The following AZI2 variants were observed in gnomAD, a reference collection of about 807,000 sequenced individuals.
AZI2 encodes 5-azacytidine-induced protein 2.
In AZI2, 22 loss-of-function variants were observed where a neutral mutation model predicts 45.8. The ratio of observed to expected loss-of-function variants is 0.48; its 90% CI spans 0.34 to 0.69. The LOEUF is 0.69. Ranked by LOEUF, AZI2 falls within the 30% of genes least tolerant of loss-of-function variation. The pLI is 0.01. For synonymous variants in AZI2, 137 were observed against 156.7 expected (o/e 0.87, Z 0.94); for missense variants, 417 against 441.5 (o/e 0.94, Z 0.50).
chr3:28,338,658 T>C (rs113632440), intron 2 of AZI2, 43 bp from the exon 3 acceptor site: 3 of 1,548,300 alleles, frequency 1.9e-6, no homozygotes. Context: ...GAGAGTATTC[T>C]ATAGATAAAA....
intron 1 of AZI2, among the ~76,000 whole-genome samples, chr3:28,345,731 T>C (rs1279855024): frequency 6.6e-6 from 1 of 152,112 alleles, no homozygotes; most frequent in Non-Finnish European, 1.5e-5. Flanking sequence ...TAAATTTCAG[T>C]CTTCATCATG....
Position 28,322,079 on chromosome 3 carries a change from G to A in AZI2, c.*1963C>T, listed in dbSNP as rs1321904117. The A allele has an allele frequency of 6.6e-6, 1 of 151,248 alleles. No homozygotes were observed. Among genetic ancestry groups the A allele is most frequent in the African/African-American group, 2.4e-5 (1 of 41,328 alleles). The allele number at this position is 151,248 out of a possible 1,614,324, so 9.4% of individuals were successfully genotyped here. On this transcript the variant is annotated 3_prime_UTR_variant, in exon 8 of 8. Transcript: ENST00000479665. ...ACCTAGAACAGAGATATCAAGTGTAGATTTAAAAGCTTCTAGCTGGGTAAA... is the reference window on the plus strand; with the variant it reads ...ACCTAGAACAGAGATATCAAGTGTAAATTTAAAAGCTTCTAGCTGGGTAAA...
In AZI2 at chr3:28,331,750, T is replaced by G. The variant is rs998211076; in HGVS notation, c.647+619A>C. ...ATGTAGAGAGGCTATCTTAACATAG[T>G]AGAAACAACAATTATTAGATAGCTT... On this transcript the variant is annotated intron_variant, in intron 6 of 7. Transcript: ENST00000479665. 3 of 1,449,106 alleles carry G rather than the reference T, an allele frequency of 2.1e-6. No individual in the cohort carries two copies. The East Asian group carries it at 7.6e-5, about 37-fold the overall frequency. 89.8% of individuals were successfully genotyped at this position (1,449,106 alleles called of 1,614,324 possible).
chr3:28,328,292 T>G (rs372355848), intron 6 of AZI2, among the ~76,000 whole-genome samples: 1 of 151,228 alleles, frequency 6.6e-6, no homozygotes. Context: ...CTGTCTTAAG[T>G]GTGAAGAGAG....
intron 6 of AZI2, chr3:28,332,011 T>C: frequency 9.7e-7 from 1 of 1,036,104 alleles, no homozygotes; most frequent in Non-Finnish European, 1.4e-6. Context: ...AGACTAACAA[T>C]GGCCAAGTAG....
intron 6 of AZI2, among the ~76,000 whole-genome samples, chr3:28,328,564 C>G (rs1226183986): frequency 6.6e-6 from 1 of 151,036 alleles, no homozygotes; most frequent in Admixed American, 6.6e-5. Context: ...ATTCTAGTAA[C>G]GTTTACAGTG....
rs1395117957 is a variant in AZI2 at position 28,324,345 on chromosome 3, G to C, written c.876C>G (p.Gly292=). ...YTRHPPLLPN[G]KALCHTTSSP... is the part of the protein sequence containing the mutation. ...AAGATGTGGTATGACAAAGAGCTTTGCCATTTGGTAAGAGAGGGGGATGTC... is the reference window on the plus strand; with the variant it reads ...AAGATGTGGTATGACAAAGAGCTTTCCCATTTGGTAAGAGAGGGGGATGTC... The change falls in exon 8 of 8, where the codon GGC becomes GGG. Residue 292 remains glycine, a synonymous_variant. Transcript: ENST00000479665. The C allele has an allele frequency of 3.8e-6, 6 of 1,599,774 alleles. No homozygotes were observed. Among genetic ancestry groups the C allele is most frequent in the Non-Finnish European group, 4.3e-6 (5 of 1,172,420 alleles).
intron 1 of AZI2, 102 bp downstream of exon 1, chr3:28,348,499 A>C (rs1704365914): frequency 6.6e-6 from 1 of 152,580 alleles, no homozygotes; most frequent in Admixed American, 6.5e-5. Flanking sequence ...GGAGGGAGTG[A>C]GAAAAAAATG....
intron 1 of AZI2, among the ~76,000 whole-genome samples, chr3:28,343,803 A>G (rs1704122080): frequency 6.6e-6 from 1 of 152,026 alleles, no homozygotes; most frequent in African/African-American, 2.4e-5. Context: ...ACACTCCTAC[A>G]AATCTAGGAA....
chr3:28,337,004 G>A lies in AZI2; in HGVS notation c.440-119C>T. On this transcript the variant is annotated intron_variant, in intron 4 of 7. Transcript: ENST00000479665. ...AGAAAAACTAACATAAAACATATAT[G>A]ATCAATAGTTTTTTAAAAACAGTAA... 3.1e-6 allele frequency: 3 copies of A among 967,480 alleles called. No homozygotes were observed. The South Asian group carries it at 5.8e-5, about 19-fold the overall frequency. 59.9% of individuals were successfully genotyped at this position (967,480 alleles called of 1,614,324 possible).
At position 28,332,422 on chromosome 3, in the gene AZI2, T is replaced by C. The variant is rs749811326; in HGVS notation, c.594A>G (p.Pro198=). 6.8e-6 allele frequency: 11 copies of C among 1,607,980 alleles called. 1 individual carries two copies. The highest frequency in any genetic ancestry group is 6.6e-5 in the South Asian group (6 of 90,882). Residue 198 remains proline, a synonymous_variant, in exon 6 of 8, where the codon CCA becomes CCG. Coordinates refer to ENST00000479665, the MANE Select transcript of AZI2 (RefSeq NM_022461.5). ...IELQKAKQTD[P]YQEDNLKSRD... ...TGCTCTTCAGATTGTCTTCCTGATA[T>C]GGATCCTGTCATTTGTTTAAAAAAA... is the stretch of plus-strand genomic sequence containing the variant.
At chr3:28,328,040 T>A (rs1043847700) in intron 6 of AZI2, among the ~76,000 whole-genome samples, 3 of 150,184 alleles carry the variant, frequency 2.0e-5, no homozygotes, top group Non-Finnish European at 4.5e-5. Context: ...ATATATAATA[T>A]ATAAAATATT....
Position 28,324,303 on chromosome 3 carries a change from A to T in AZI2, c.918T>A (p.Asp306Glu). 6.2e-7 allele frequency: 1 copy of T among 1,607,358 alleles called. No homozygotes were observed. The highest frequency in any genetic ancestry group is 2.2e-5 in the East Asian group (1 of 44,742). ...CHTTSSPLPGDVKVLSEKAIL... is the reference protein window; with the variant it reads ...CHTTSSPLPGEVKVLSEKAIL... The stretch of plus-strand genomic sequence containing the variant: ...TTGCTTTCTCTGATAAAACCTTTAC[A>T]TCTCCTGGTAAAGGGGAAGATGTGG... Residue 306 changes from aspartate to glutamate, a missense_variant, in exon 8 of 8, where the codon GAT (aspartate) becomes GAA (glutamate). Transcript: ENST00000479665.
rs1305161073 is a variant in AZI2 at position 28,326,944 on chromosome 3, A to C, written c.654T>G (p.Asn218Lys). ...TCAGTTCCCAGTATGCATGCTGCAT[A>C]TTATCACTGAAATAAATTTTTTTAC... ...DLQKLSISSD[N>K]MQHAYWELKR... The change falls in exon 7 of 8, where the codon AAT (asparagine) becomes AAG (lysine). Residue 218 changes from asparagine to lysine, a missense_variant. Coordinates refer to ENST00000479665, the MANE Select transcript of AZI2 (RefSeq NM_022461.5). 6.3e-7 allele frequency: 1 copy of C among 1,599,674 alleles called. No individual in the cohort carries two copies. Among genetic ancestry groups the C allele is most frequent in the Admixed American group, 1.7e-5 (1 of 59,020 alleles).
intron 1 of AZI2, 56 bp from the exon 2 acceptor site, chr3:28,340,678 GA>G: frequency 5.2e-6 from 7 of 1,334,000 alleles, no homozygotes; most frequent in East Asian, 4.7e-5. Flanking sequence ...AAGTGAAAAG[GA>G]AAAAAAGTTA....
Position 28,324,401 on chromosome 3 carries a change from G to T in AZI2, c.820C>A (p.His274Asn), listed in dbSNP as rs1703302803. ...EDLGRDSTKL[H>N]LMNFTATYTR... ...TATGTTGCAGTAAAATTCATCAAGT[G>T]CAGTTTTGTGCTGTCTCTTCCAAGG... The change falls in exon 8 of 8, where the codon CAC becomes AAC. Residue 274 changes from histidine (H) to asparagine (N), a missense_variant. Physicochemically the swap from His to Asn is moderately conservative, Grantham distance 68. Transcript: ENST00000479665. The T allele has an allele frequency of 6.5e-7, 1 of 1,546,292 alleles. No homozygotes were observed. Among genetic ancestry groups the T allele is most frequent in the Admixed American group, 2.0e-5 (1 of 51,234 alleles).
chr3:28,341,745 C>T (rs1704025400), intron 1 of AZI2: 1 of 151,936 alleles, frequency 6.6e-6, no homozygotes, highest in African/African-American at 2.4e-5. Flanking sequence ...CTAAATATAG[C>T]ACTCTAAATA....
Position 28,323,019 on chromosome 3 carries a change from A to AT in AZI2, c.*1022dup, listed in dbSNP as rs1703236497. Reference sequence around the variant, plus strand: ...ATTTCCAAATAATTGGCCACTTAGAATAAGTGTGGACATTTCATGATCGAC... The same window carrying AT: ...ATTTCCAAATAATTGGCCACTTAGAATTAAGTGTGGACATTTCATGATCGAC... On this transcript the variant is annotated 3_prime_UTR_variant, in exon 8 of 8. Coordinates refer to ENST00000479665, the MANE Select transcript of AZI2 (RefSeq NM_022461.5). 1 of 95,824 alleles carries AT rather than the reference A, an allele frequency of 1.0e-5. No individual in the cohort carries two copies. The highest frequency in any genetic ancestry group is 2.8e-5 in the African/African-American group (1 of 36,102). The allele number at this position is 95,824 out of a possible 1,614,324, so 5.9% of individuals were successfully genotyped here.
At chr3:28,333,844 T>C (rs566540921) in intron 5 of AZI2, among the ~76,000 whole-genome samples, 19 of 151,666 alleles carry the variant, frequency 1.3e-4, no homozygotes, top group Non-Finnish European at 2.7e-4. Flanking sequence ...TCAAGTTATA[T>C]AGGTTTCTAT....
Sources: allele counts gnomAD v4.1 joint callset (sites outside exome capture counted in the v4.1 genomes callset), GRCh38; gene constraint gnomAD v4.1.1; transcripts MANE v1.5; gene names NCBI Gene and HGNC (gene_info 2026-07-23, HGNC 2026-07-21).